Variants in HACD2 observed in about 807,000 individuals in gnomAD.
The protein encoded by HACD2 is 3-hydroxyacyl-CoA dehydratase 2.
Under a neutral mutation model 31.0 loss-of-function variants are expected in HACD2, and 15 were observed. That is an observed-to-expected ratio of 0.48 (90% CI 0.32 to 0.75). The LOEUF (loss-of-function observed/expected upper bound fraction) is 0.75. Among genes scored for constraint, HACD2 ranks in the 30% least tolerant of loss-of-function variants. The pLI is 0.03. For synonymous variants in HACD2, 115 were observed against 122.2 expected, an observed-to-expected ratio of 0.94 and a Z score of 0.39; for missense variants, 283 against 313.0, an observed-to-expected ratio of 0.90 and a Z score of 0.72.
At chr3:123,507,592 G>A (rs1320672953) in intron 4 of HACD2, among the ~76,000 whole-genome samples, 1 of 152,164 alleles carries the variant, frequency 6.6e-6, no homozygotes, top group African/African-American at 2.4e-5. Flanking sequence ...AATAGTGGTT[G>A]CCAGGGGCTG....
intron 2 of HACD2, among the ~76,000 whole-genome samples, chr3:123,573,941 G>A (rs115071157): frequency 0.024 from 3,685 of 152,144 alleles, 148 homozygotes; most frequent in African/African-American, 0.08. Flanking sequence ...AAGTCTCACA[G>A]AACTTAAAAG....
At chr3:123,555,974 C>T (rs1323073954) in intron 3 of HACD2, among the ~76,000 whole-genome samples, 3 of 151,988 alleles carry the variant, frequency 2.0e-5, no homozygotes, top group African/African-American at 7.3e-5. Context: ...CAAATCGTGC[C>T]GAACAACTGG....
At chr3:123,513,933 A>C (rs2056099461) in intron 4 of HACD2, among the ~76,000 whole-genome samples, 1 of 152,172 alleles carries the variant, frequency 6.6e-6, no homozygotes, top group South Asian at 2.1e-4. Context: ...AGGATGTTAC[A>C]CACAGGTTGC....
Position 123,502,621 on chromosome 3 carries a change from G to A in HACD2, c.442C>T (p.Arg148Cys). ...AGACTGAATGTATAAAAGGAGTAAC[G>A]GATGATTTCCGTGATCGTCCATGCA... ...VIAWTITEII[R>C]YSFYTFSLLN... is the part of the protein sequence containing the mutation. The change falls in exon 5 of 7, where the codon CGT becomes TGT. Residue 148 changes from arginine to cysteine, a missense_variant. By Grantham distance (180) the Arg-to-Cys change is radical. This residue lies in a region of HACD2 where 85 missense variants were observed against 129.6 expected (regional missense o/e 0.66). Coordinates refer to ENST00000383657, the MANE Select transcript of HACD2 (RefSeq NM_198402.5). 6.2e-7 allele frequency: 1 copy of A among 1,609,020 alleles called. No homozygotes were observed.
At chr3:123,547,767 T>C (rs767841655) in intron 3 of HACD2, among the ~76,000 whole-genome samples, 8 of 152,162 alleles carry the variant, frequency 5.3e-5, no homozygotes, top group Non-Finnish European at 8.8e-5. Flanking sequence ...ATACTGCTGT[T>C]CAAACGACAA....
At chr3:123,561,088 C>A (rs947529709) in intron 3 of HACD2, among the ~76,000 whole-genome samples, 2 of 151,970 alleles carry the variant, frequency 1.3e-5, no homozygotes, top group African/African-American at 2.4e-5. Context: ...AGCGGGGGGG[C>A]AGAGGAGGGA....
chr3:123,575,044 G>A (rs2056893695), intron 2 of HACD2, among the ~76,000 whole-genome samples: 2 of 151,920 alleles, frequency 1.3e-5, no homozygotes, highest in South Asian at 4.2e-4. Flanking sequence ...TGGTCTAAAG[G>A]CTTATACTGT....
At chr3:123,508,790 G>A (rs2056011308) in intron 4 of HACD2, among the ~76,000 whole-genome samples, 1 of 152,152 alleles carries the variant, frequency 6.6e-6, no homozygotes, top group African/African-American at 2.4e-5. Flanking sequence ...CATAGACTGG[G>A]GGGCTTAAAC....
chr3:123,568,090 G>C (rs377541819), intron 2 of HACD2, among the ~76,000 whole-genome samples: 2 of 152,324 alleles, frequency 1.3e-5, no homozygotes. Context: ...AAACTTGTAA[G>C]AGCAATAAGT....
intron 2 of HACD2, among the ~76,000 whole-genome samples, chr3:123,570,385 A>G (rs545128334): frequency 1.3e-5 from 2 of 152,250 alleles, no homozygotes; most frequent in Non-Finnish European, 2.9e-5. Flanking sequence ...TTTGGATTTA[A>G]AAATTAGAGT....
intron 4 of HACD2, among the ~76,000 whole-genome samples, chr3:123,503,061 T>A (rs2055925010): frequency 6.6e-6 from 1 of 152,044 alleles, no homozygotes; most frequent in Admixed American, 6.5e-5. Flanking sequence ...GTCAGGAGTT[T>A]GAGACCAGCC....
chr3:123,574,342 A>G (rs2056886200), intron 2 of HACD2, among the ~76,000 whole-genome samples: 1 of 152,178 alleles, frequency 6.6e-6, no homozygotes, highest in African/African-American at 2.4e-5. Flanking sequence ...CCCTTAGTAA[A>G]CTTAAAGTCA....
intron 2 of HACD2, among the ~76,000 whole-genome samples, chr3:123,573,985 A>G (rs764620550): frequency 9.9e-5 from 15 of 152,218 alleles, no homozygotes; most frequent in Admixed American, 2.6e-4. Context: ...AATCCAGTGT[A>G]TTCACTGCAC....
intron 2 of HACD2, among the ~76,000 whole-genome samples, chr3:123,575,226 T>TAGCCTCCCG (rs2056895675): frequency 6.6e-6 from 1 of 152,066 alleles, no homozygotes; most frequent in Non-Finnish European, 1.5e-5. Context: ...TCTCCTGCCT[T>TAGCCTCCCG]AGCCTCCCGA....
chr3:123,507,795 A>C (rs2055997032), intron 4 of HACD2, among the ~76,000 whole-genome samples: 2 of 152,184 alleles, frequency 1.3e-5, no homozygotes, highest in South Asian at 4.1e-4. Flanking sequence ...AAATGTTCTA[A>C]AGTTAGATTA....
At chr3:123,509,383 AC>A (rs1458982799) in intron 4 of HACD2, among the ~76,000 whole-genome samples, 7 of 151,578 alleles carry the variant, frequency 4.6e-5, no homozygotes, top group Non-Finnish European at 7.4e-5. Flanking sequence ...AACAAAACAA[AC>A]CCCACCAAAC....
intron 1 of HACD2, among the ~76,000 whole-genome samples, chr3:123,582,894 A>T (rs2056981574): frequency 6.6e-6 from 1 of 152,226 alleles, no homozygotes; most frequent in Admixed American, 6.5e-5. Flanking sequence ...GCAGAAATGA[A>T]AGCCAGATCA....
At chr3:123,523,016 C>T (rs1049771766) in intron 4 of HACD2, among the ~76,000 whole-genome samples, 19 of 152,140 alleles carry the variant, frequency 1.2e-4, no homozygotes, top group African/African-American at 3.9e-4. Flanking sequence ...ACCACGTTCA[C>T]GGATGGCGCA....
intron 2 of HACD2, among the ~76,000 whole-genome samples, chr3:123,580,020 A>G (rs1416152487): frequency 2.6e-5 from 4 of 152,128 alleles, no homozygotes; most frequent in Admixed American, 1.3e-4. Context: ...ATAAAAAGGT[A>G]CTCAGGCTTC....
Sources: gnomAD v4.1 joint callset for allele counts (sites outside exome capture counted in the v4.1 genomes callset) on GRCh38, gnomAD v4.1.1 for gene constraint, gnomAD v4.1.1 regional missense constraint, MANE v1.5 for transcripts, NCBI Gene and HGNC (gene_info 2026-07-23, HGNC 2026-07-21) for gene names.